CPQ: variants seen among roughly 807,000 people sequenced by gnomAD.
CPQ encodes the protein carboxypeptidase Q, also known as Ser-Met dipeptidase.
In CPQ, 37 loss-of-function variants were observed where a neutral mutation model predicts 45.7. The ratio of observed to expected loss-of-function variants is 0.81; its 90% CI spans 0.62 to 1.07. CPQ has a LOEUF of 1.07. CPQ is among the 50% of genes least tolerant of loss of function. CPQ has a pLI of 0.00. For missense variants in CPQ, 537 were observed against 572.9 expected (o/e 0.94, Z 0.64); for synonymous variants, 186 against 205.8 (o/e 0.90, Z 0.82).
At chr8:96,657,854 GC>G (rs1467169535) in intron 1 of CPQ, among the ~76,000 whole-genome samples, 1 of 152,166 alleles carries the variant, frequency 6.6e-6, no homozygotes, top group African/African-American at 2.4e-5. Context: ...CTTTCATAAT[GC>G]TGTGAAGTAG....
At chr8:97,047,248 A>C (rs1653821948) in intron 6 of CPQ, among the ~76,000 whole-genome samples, 1 of 152,232 alleles carries the variant, frequency 6.6e-6, no homozygotes, top group African/African-American at 2.4e-5. Context: ...GAATGTACCC[A>C]AGTTTGCATA....
intron 6 of CPQ, among the ~76,000 whole-genome samples, chr8:97,057,523 C>T (rs1810476774): frequency 6.6e-6 from 1 of 152,202 alleles, no homozygotes; most frequent in African/African-American, 2.4e-5. Flanking sequence ...ATCACGCTCT[C>T]ACATTGGCAG....
chr8:96,812,713 G>A (rs367738580), intron 2 of CPQ, among the ~76,000 whole-genome samples: 15 of 152,024 alleles, frequency 9.9e-5, no homozygotes, highest in South Asian at 4.2e-4. Context: ...ATCCTGGAGC[G>A]GCAGGCTTCA....
At chr8:96,734,367 T>A (rs1809950568) in intron 1 of CPQ, among the ~76,000 whole-genome samples, 1 of 152,184 alleles carries the variant, frequency 6.6e-6, no homozygotes, top group Admixed American at 6.5e-5. Flanking sequence ...TTCTCCATGT[T>A]GCAACCTGTT....
chr8:96,764,875 T>A (rs1000586553), intron 1 of CPQ, among the ~76,000 whole-genome samples: 1 of 152,128 alleles, frequency 6.6e-6, no homozygotes, highest in South Asian at 2.1e-4. Context: ...ATATGTAGAG[T>A]TCAGTACCTT....
chr8:96,988,526 C>T (rs1023010907), intron 5 of CPQ, among the ~76,000 whole-genome samples: 9 of 152,130 alleles, frequency 5.9e-5, no homozygotes, highest in Non-Finnish European at 1.2e-4. Context: ...CCATGAGAAA[C>T]ATCCAAGTGC....
chr8:96,691,969 G>A (rs188427648), intron 1 of CPQ, among the ~76,000 whole-genome samples: 1 of 151,936 alleles, frequency 6.6e-6, no homozygotes, highest in African/African-American at 2.4e-5. Flanking sequence ...GAACACCCTG[G>A]GCATTATCAA....
At chr8:97,127,349 T>A (rs1811864603) in intron 7 of CPQ, among the ~76,000 whole-genome samples, 1 of 152,174 alleles carries the variant, frequency 6.6e-6, no homozygotes, top group Non-Finnish European at 1.5e-5. Context: ...ACAAACAAGA[T>A]ACACCAATCC....
At chr8:96,651,953 C>A (rs1384759264) in intron 1 of CPQ, among the ~76,000 whole-genome samples, 2 of 152,150 alleles carry the variant, frequency 1.3e-5, no homozygotes, top group African/African-American at 4.8e-5. Context: ...ACATACCCAT[C>A]ACCTTAAATA....
intron 1 of CPQ, among the ~76,000 whole-genome samples, chr8:96,775,068 A>T (rs865985590): frequency 1.3e-5 from 2 of 152,140 alleles, no homozygotes. Flanking sequence ...CAGCTCTAGA[A>T]ACATAACCAC....
At chr8:96,683,971 T>C (rs961653149) in intron 1 of CPQ, among the ~76,000 whole-genome samples, 1 of 152,178 alleles carries the variant, frequency 6.6e-6, no homozygotes, top group Non-Finnish European at 1.5e-5. Context: ...TATTTATCTG[T>C]GTTTTCTTGT....
At chr8:96,886,883 G>T (rs1812312874) in intron 4 of CPQ, among the ~76,000 whole-genome samples, 2 of 152,170 alleles carry the variant, frequency 1.3e-5, no homozygotes, top group African/African-American at 4.8e-5. Context: ...AGCACAAAGA[G>T]TTCTCATATC....
intron 4 of CPQ, among the ~76,000 whole-genome samples, chr8:96,909,853 G>A (rs1160738484): frequency 6.6e-6 from 1 of 152,114 alleles, no homozygotes; most frequent in East Asian, 1.9e-4. Context: ...TTCATTAAGT[G>A]GAAAAACTAA....
intron 7 of CPQ, among the ~76,000 whole-genome samples, chr8:97,128,827 C>G (rs1811890900): frequency 6.6e-6 from 1 of 152,210 alleles, no homozygotes; most frequent in South Asian, 2.1e-4. Context: ...GGCTCAACAG[C>G]CATATATTAG....
At chr8:96,869,747 T>C (rs1812042035) in intron 3 of CPQ, among the ~76,000 whole-genome samples, 1 of 152,020 alleles carries the variant, frequency 6.6e-6, no homozygotes. Flanking sequence ...ACCTACTAAA[T>C]CAGAAATTCT....
chr8:96,806,101 G>A (rs1363318020), intron 2 of CPQ, among the ~76,000 whole-genome samples: 1 of 152,100 alleles, frequency 6.6e-6, no homozygotes, highest in African/African-American at 2.4e-5. Context: ...AGCATGAGGT[G>A]GGATGGAGAA....
rs186420321 is a variant in CPQ at position 96,815,370 on chromosome 8, G to A, written c.434-19603G>A. 1.2e-4 allele frequency among the ~76,000 whole-genome samples: 19 copies of A among 152,138 alleles called. 1 individual carries two copies. Among genetic ancestry groups the A allele is most frequent in the Non-Finnish European group, 5.9e-5 (4 of 67,996 alleles). ...CTCATTTCATCCAAACAACATTGCT[G>A]TGATTTTGCTGTTATTTAGATAAGG... is the stretch of plus-strand genomic sequence containing the variant. On this transcript the variant is annotated intron_variant, in intron 2 of 7. Coordinates refer to ENST00000220763, the MANE Select transcript of CPQ (RefSeq NM_016134.4).
chr8:96,989,205 A>C (rs549696650), intron 5 of CPQ, among the ~76,000 whole-genome samples: 1 of 152,274 alleles, frequency 6.6e-6, no homozygotes, highest in Non-Finnish European at 1.5e-5. Flanking sequence ...GTGACCATTA[A>C]GTTCCTTAAT....
At chr8:96,769,221 TA>T (rs889174034) in intron 1 of CPQ, among the ~76,000 whole-genome samples, 28 of 152,188 alleles carry the variant, frequency 1.8e-4, no homozygotes, top group African/African-American at 4.8e-4. Flanking sequence ...ATTACACTTA[TA>T]GGGGGGATCC....
Sources: allele counts gnomAD v4.1 joint callset (sites outside exome capture counted in the v4.1 genomes callset), GRCh38; gene constraint gnomAD v4.1.1; transcripts MANE v1.5; gene names NCBI Gene and HGNC (gene_info 2026-07-23, HGNC 2026-07-21).